MAPK10: variants seen among roughly 807,000 people sequenced by gnomAD.
MAPK10 encodes JNK3 alpha protein kinase.
Under a neutral mutation model 59.3 loss-of-function variants are expected in MAPK10, and 25 were observed. The observed-to-expected ratio is 0.42, with a 90% CI of 0.31 to 0.59. The LOEUF is 0.59. Among genes scored for constraint, MAPK10 ranks in the 20% least tolerant of loss-of-function variants. MAPK10 has a pLI of 0.15. For synonymous variants in MAPK10, 190 were observed against 200.5 expected (o/e 0.95, Z 0.44); for missense variants, 351 against 568.9 (o/e 0.62, Z 3.90).
At chr4:86,264,127 G>A (rs931122719) in intron 2 of MAPK10, among the ~76,000 whole-genome samples, 3 of 152,228 alleles carry the variant, frequency 2.0e-5, no homozygotes, top group South Asian at 4.2e-4. Context: ...TTTCTTGCTT[G>A]TATTAAAATG....
At chr4:86,061,452 CAGAT>C (rs2045741188) in intron 11 of MAPK10, among the ~76,000 whole-genome samples, 1 of 152,160 alleles carries the variant, frequency 6.6e-6, no homozygotes, top group Non-Finnish European at 1.5e-5. Flanking sequence ...TATTACTACA[CAGAT>C]GGATTACTCT....
intron 1 of MAPK10, among the ~76,000 whole-genome samples, chr4:86,421,753 C>T (rs896562323): frequency 6.6e-6 from 1 of 152,212 alleles, no homozygotes; most frequent in Admixed American, 6.5e-5. Flanking sequence ...TGTTCTATAA[C>T]ACAGCCAGAG....
intron 1 of MAPK10, among the ~76,000 whole-genome samples, chr4:86,424,061 A>T (rs1038927554): frequency 8.5e-5 from 13 of 152,110 alleles, no homozygotes; most frequent in African/African-American, 2.4e-4. Flanking sequence ...AAAATATCTA[A>T]GGTGTTTTAG....
intron 2 of MAPK10, among the ~76,000 whole-genome samples, chr4:86,304,362 C>T (rs1366885712): frequency 6.6e-6 from 1 of 150,688 alleles, no homozygotes; most frequent in Non-Finnish European, 1.5e-5. Flanking sequence ...CATTTTCTAC[C>T]ATTGTGGCTT....
intron 1 of MAPK10, among the ~76,000 whole-genome samples, chr4:86,506,282 A>G (rs1755731191): frequency 6.6e-6 from 1 of 152,156 alleles, no homozygotes; most frequent in Non-Finnish European, 1.5e-5. Context: ...TCATGAGAAA[A>G]TGAGTGAGGG....
intron 1 of MAPK10, among the ~76,000 whole-genome samples, chr4:86,539,345 T>C (rs1758496262): frequency 6.6e-6 from 1 of 152,130 alleles, no homozygotes; most frequent in East Asian, 1.9e-4. Flanking sequence ...AGTGACACAC[T>C]GAGGGAAAAG....
At position 86,055,773 on chromosome 4, in the gene MAPK10, A is replaced by G. The variant is rs139465513; in HGVS notation, c.1110+8493T>C. 3.3e-5 allele frequency among the ~76,000 whole-genome samples: 5 copies of G among 149,702 alleles called. No homozygotes were observed. In the East Asian group the frequency reaches 9.7e-4, roughly 29 times the overall value. On this transcript the variant is annotated intron_variant, in intron 11 of 13. Coordinates refer to ENST00000641462, the MANE Select transcript of MAPK10 (RefSeq NM_138982.4). The stretch of plus-strand genomic sequence containing the variant: ...TAATAAAAATTTTCAAATTTCTACC[A>G]AAAAAAATCCTTAAGTAACTCAAGT...
intron 4 of MAPK10, among the ~76,000 whole-genome samples, chr4:86,115,753 G>A (rs2058209713): frequency 6.6e-6 from 1 of 152,134 alleles, no homozygotes. Flanking sequence ...GAGCCACCAG[G>A]CCCGGCCTGG....
chr4:86,181,948 A>T (rs2149284972), intron 3 of MAPK10, among the ~76,000 whole-genome samples: 1 of 152,270 alleles, frequency 6.6e-6, no homozygotes, highest in East Asian at 1.9e-4. Flanking sequence ...GAGTTTTTTA[A>T]ATTCATAGAG....
intron 1 of MAPK10, among the ~76,000 whole-genome samples, chr4:86,579,127 G>A (rs1482053926): frequency 6.6e-6 from 1 of 151,988 alleles, no homozygotes; most frequent in East Asian, 1.9e-4. Flanking sequence ...CAGGATATAC[G>A]GCAAAGATAG....
intron 1 of MAPK10, among the ~76,000 whole-genome samples, chr4:86,544,012 AAAG>A (rs756848943): frequency 6.6e-6 from 1 of 152,158 alleles, no homozygotes; most frequent in Non-Finnish European, 1.5e-5. Flanking sequence ...GAAGAAAAGC[AAAG>A]AAGGAGAAAC....
chr4:86,083,167 G>C (rs1479528060), intron 9 of MAPK10, among the ~76,000 whole-genome samples: 1 of 151,940 alleles, frequency 6.6e-6, no homozygotes, highest in African/African-American at 2.4e-5. Context: ...AAAATAGAAG[G>C]CTCCACCAAT....
intron 7 of MAPK10, 71 bp downstream of exon 7, chr4:86,101,822 TA>T (rs2149073017): frequency 1.3e-6 from 2 of 1,510,904 alleles, no homozygotes; most frequent in South Asian, 2.3e-5. Flanking sequence ...GCCCCCCGTA[TA>T]AAGAAAATAA....
chr4:86,043,666 C>G (rs1017855861), intron 11 of MAPK10, among the ~76,000 whole-genome samples: 4 of 152,104 alleles, frequency 2.6e-5, no homozygotes, highest in African/African-American at 4.8e-5. Context: ...AGGACACACA[C>G]AGAGAAGGAA....
chr4:86,556,551 C>G (rs1760284052), intron 1 of MAPK10, among the ~76,000 whole-genome samples: 1 of 152,070 alleles, frequency 6.6e-6, no homozygotes, highest in Non-Finnish European at 1.5e-5. Flanking sequence ...AACCTGCAAA[C>G]TAATTGCTGA....
At chr4:86,530,160 T>A (rs1338621281) in intron 1 of MAPK10, among the ~76,000 whole-genome samples, 4 of 150,274 alleles carry the variant, frequency 2.7e-5, no homozygotes, top group African/African-American at 9.8e-5. Context: ...CAATCTACAA[T>A]AGATTCAAAT....
At chr4:86,349,003 G>A (rs1578689332) in intron 2 of MAPK10, among the ~76,000 whole-genome samples, 1 of 152,074 alleles carries the variant, frequency 6.6e-6, no homozygotes, top group South Asian at 2.1e-4. Flanking sequence ...CTAATAGAGG[G>A]CACTAAAAGC....
chr4:86,206,753 T>G (rs1434764216), intron 2 of MAPK10, among the ~76,000 whole-genome samples: 1 of 152,198 alleles, frequency 6.6e-6, no homozygotes, highest in African/African-American at 2.4e-5. Flanking sequence ...TGGTGTGAGA[T>G]GGTATCTCAT....
At chr4:86,250,520 A>G (rs1174768178) in intron 2 of MAPK10, among the ~76,000 whole-genome samples, 1 of 152,172 alleles carries the variant, frequency 6.6e-6, no homozygotes, top group Non-Finnish European at 1.5e-5. Flanking sequence ...TTTAGAGTGA[A>G]AAAATTTTAG....
Sources: gnomAD v4.1 joint callset for allele counts (sites outside exome capture counted in the v4.1 genomes callset) on GRCh38, gnomAD v4.1.1 for gene constraint, MANE v1.5 for transcripts, NCBI Gene and HGNC (gene_info 2026-07-23, HGNC 2026-07-21) for gene names.